The following ECPAS variants were observed in gnomAD, a reference collection of about 807,000 sequenced individuals.
ECPAS encodes proteasome adapter and scaffold protein ECM29.
In ECPAS, 70 loss-of-function variants were observed where a neutral mutation model predicts 255.1. The ratio of observed to expected loss-of-function variants is 0.27; its 90% CI spans 0.23 to 0.33. The LOEUF (loss-of-function observed/expected upper bound fraction) is 0.33, where lower values mean the gene tolerates loss of function less well. Among genes scored for constraint, ECPAS ranks in the 10% least tolerant of loss-of-function variants. The pLI is 1.00. For synonymous variants in ECPAS, 784 were observed against 775.0 expected (o/e 1.01, Z -0.19); for missense variants, 1,817 against 2,206.4 (o/e 0.82, Z 3.54).
intron 19 of ECPAS, 143 bp from the exon 20 acceptor site, chr9:111,414,129 C>T: frequency 1.7e-6 from 1 of 606,028 alleles, no homozygotes; most frequent in South Asian, 2.7e-5. Context: ...AAAACCTACA[C>T]AACCTAAATA....
At chr9:111,372,356 A>C in intron 42 of ECPAS, 73 bp downstream of exon 42, 1 of 1,370,090 alleles carries the variant, frequency 7.3e-7, no homozygotes, top group Non-Finnish European at 1.0e-6. Flanking sequence ...GGAGTTTATG[A>C]ATAACGAATG....
chr9:111,365,370 T>C (rs780628489), intron 48 of ECPAS, among the ~76,000 whole-genome samples: 3 of 151,732 alleles, frequency 2.0e-5, no homozygotes, highest in Non-Finnish European at 4.4e-5. Flanking sequence ...AAAAATCCTA[T>C]AAAGAACATT....
rs530661436 is a variant in ECPAS at position 111,392,010 on chromosome 9, G to C, written c.3093-186C>G. On this transcript the variant is annotated intron_variant, in intron 28 of 49. Coordinates refer to ENST00000684092, the MANE Select transcript of ECPAS (RefSeq NM_001364929.1). ...AATCCCAGCACTTTGGGAGGCCGAG[G>C]TGGGTGGATCACTAGGTCAGGAGTT... is the stretch of plus-strand genomic sequence containing the variant. Among the ~76,000 whole-genome samples the C allele has an allele frequency of 6.6e-5, 10 of 152,334 alleles. No homozygotes were observed. In the East Asian group the frequency reaches 1.5e-3, roughly 23 times the overall value.
chr9:111,395,160 T>A (rs1355601714), intron 25 of ECPAS, among the ~76,000 whole-genome samples: 1 of 152,136 alleles, frequency 6.6e-6, no homozygotes, highest in East Asian at 1.9e-4. Context: ...AGAGTCAGAA[T>A]CCCTTCTTTT....
chr9:111,467,279 GTTTCC>G (rs772902496), intron 2 of ECPAS, among the ~76,000 whole-genome samples: 2 of 152,068 alleles, frequency 1.3e-5, no homozygotes, highest in Admixed American at 6.5e-5. Context: ...AGAGAAATCA[GTTTCC>G]TTTCAGGACA....
intron 22 of ECPAS, 49 bp downstream of exon 22, chr9:111,410,931 C>T (rs754982298): frequency 6.5e-7 from 1 of 1,531,950 alleles, no homozygotes; most frequent in Non-Finnish European, 8.9e-7. Flanking sequence ...TAAAATTTAA[C>T]ATAATTCAAA....
chr9:111,369,428 A>G (rs2098124721), intron 45 of ECPAS, among the ~76,000 whole-genome samples: 1 of 152,234 alleles, frequency 6.6e-6, no homozygotes, highest in Non-Finnish European at 1.5e-5. Flanking sequence ...TCTTTTGAGC[A>G]TAACATGAAA....
intron 35 of ECPAS, among the ~76,000 whole-genome samples, chr9:111,382,839 C>T (rs921884569): frequency 1.3e-5 from 2 of 152,188 alleles, no homozygotes; most frequent in African/African-American, 4.8e-5. Flanking sequence ...CGTGTAAGTA[C>T]ATTTTTTGAA....
chr9:111,402,659 C>T (rs539619225), intron 24 of ECPAS, among the ~76,000 whole-genome samples: 2 of 152,002 alleles, frequency 1.3e-5, no homozygotes, highest in African/African-American at 4.8e-5. Flanking sequence ...GTTGAGAAAA[C>T]AAAGAGCCAA....
At chr9:111,480,064 G>C (rs1309631325) in intron 1 of ECPAS, among the ~76,000 whole-genome samples, 1 of 151,470 alleles carries the variant, frequency 6.6e-6, no homozygotes, top group Non-Finnish European at 1.5e-5. Flanking sequence ...TAGTAAATAT[G>C]ATAAAGTTAT....
intron 24 of ECPAS, among the ~76,000 whole-genome samples, chr9:111,407,509 C>T (rs1208995483): frequency 1.4e-5 from 2 of 146,340 alleles, no homozygotes; most frequent in African/African-American, 5.0e-5. Context: ...TCATAAGTTT[C>T]TCTCCAAGTG....
intron 2 of ECPAS, among the ~76,000 whole-genome samples, chr9:111,469,094 T>C (rs1039369744): frequency 2.0e-5 from 3 of 152,176 alleles, no homozygotes; most frequent in African/African-American, 7.2e-5. Flanking sequence ...ATTAATTAGC[T>C]GAGCGTGATG....
intron 1 of ECPAS, among the ~76,000 whole-genome samples, chr9:111,478,930 A>C (rs1185191981): frequency 6.6e-6 from 1 of 152,222 alleles, no homozygotes; most frequent in East Asian, 1.9e-4. Flanking sequence ...GGTTGGATTA[A>C]GGTAACATCT....
intron 2 of ECPAS, among the ~76,000 whole-genome samples, chr9:111,467,214 GAGAAGAGATGAGAAAAA>G (rs1198357204): frequency 1.1e-4 from 16 of 152,046 alleles, no homozygotes; most frequent in South Asian, 6.2e-4. Context: ...GAAAAAAGAA[GAGAAGAGATGAGAAAAA>G]AGAAGAGATG....
chr9:111,420,006 T>G lies in ECPAS; in HGVS notation c.1559+11A>C. On this transcript the variant is annotated intron_variant, in intron 16 of 49. Transcript: ENST00000684092. ...AAACCAAAATTCAAATTAACACCTTTTGAAACTTACGGATCTCCTGCAGCC... is the reference window on the plus strand; with the variant it reads ...AAACCAAAATTCAAATTAACACCTTGTGAAACTTACGGATCTCCTGCAGCC... The G allele has an allele frequency of 6.3e-7, 1 of 1,586,054 alleles. No individual in the cohort carries two copies. The highest frequency in any genetic ancestry group is 8.7e-7 in the Non-Finnish European group (1 of 1,154,760).
At chr9:111,407,403 GAAAAAAAAAAAA>G (rs1161790026) in intron 24 of ECPAS, among the ~76,000 whole-genome samples, 62 of 12,068 alleles carry the variant, frequency 5.1e-3, no homozygotes, top group African/African-American at 8.9e-3. Flanking sequence ...CTCCATCTCA[GAAAAAAAAAAAA>G]AAAAAAAAAA....
In ECPAS at chr9:111,442,264, G is replaced by C. The variant is rs566527054; in HGVS notation, c.389+42C>G. The C allele has an allele frequency of 4.6e-6, 6 of 1,294,024 alleles. No individual in the cohort carries two copies. In the South Asian group the frequency reaches 7.9e-5, roughly 17 times the overall value. The allele number at this position is 1,294,024 out of a possible 1,614,324, so 80.2% of individuals were successfully genotyped here. A position where few individuals can be genotyped will look rare whatever the true frequency, so the allele number is the denominator to read the frequency against. On this transcript the variant is annotated intron_variant, in intron 5 of 49. Coordinates refer to ENST00000684092, the MANE Select transcript of ECPAS (RefSeq NM_001364929.1). ...AATTAATATTTGAAAGGCAGTTGTT[G>C]ACTCCTGTAGGAGGGAAATTAGTTA...
At chr9:111,363,107 T>TTC (rs1554774540) in intron 49 of ECPAS, among the ~76,000 whole-genome samples, 2 of 146,872 alleles carry the variant, frequency 1.4e-5, no homozygotes, top group Admixed American at 1.4e-4. Context: ...TGCTAACAGT[T>TTC]CCCCCCCACC....
At chr9:111,464,614 C>T (rs561338305) in intron 2 of ECPAS, among the ~76,000 whole-genome samples, 1 of 152,250 alleles carries the variant, frequency 6.6e-6, no homozygotes, top group African/African-American at 2.4e-5. Context: ...ACAAGGATTA[C>T]ATGTTACATG....
Sources: gnomAD v4.1 joint callset for allele counts (sites outside exome capture counted in the v4.1 genomes callset) on GRCh38, gnomAD v4.1.1 for gene constraint, MANE v1.5 for transcripts, NCBI Gene and HGNC (gene_info 2026-07-23, HGNC 2026-07-21) for gene names.